The following BICC1 variants were observed in gnomAD, a reference collection of about 807,000 sequenced individuals.
The protein encoded by BICC1 is BicC family RNA binding protein 1.
A neutral mutation model predicts 111.0 loss-of-function variants in BICC1; 43 were observed. The ratio of observed to expected loss-of-function variants is 0.39; its 90% CI spans 0.30 to 0.50. The LOEUF is 0.50. Among genes scored for constraint, BICC1 ranks in the 20% least tolerant of loss-of-function variants. BICC1 has a pLI of 0.88. For synonymous variants in BICC1, 467 were observed against 434.4 expected (o/e 1.07, Z -0.93); for missense variants, 1,091 against 1,203.2 (o/e 0.91, Z 1.38).
At chr10:58,527,633 C>T (rs1842579681) in intron 1 of BICC1, among the ~76,000 whole-genome samples, 1 of 152,090 alleles carries the variant, frequency 6.6e-6, no homozygotes, top group South Asian at 2.1e-4. Context: ...TTTCAGCTTT[C>T]TACATACGGC....
intron 1 of BICC1, among the ~76,000 whole-genome samples, chr10:58,588,221 G>A (rs1364501362): frequency 1.3e-5 from 2 of 152,140 alleles, no homozygotes; most frequent in Admixed American, 6.6e-5. Flanking sequence ...ACAGGGACAA[G>A]GCCTTTTCTG....
At chr10:58,661,635 T>C (rs545186982) in intron 2 of BICC1, among the ~76,000 whole-genome samples, 3 of 152,188 alleles carry the variant, frequency 2.0e-5, no homozygotes, top group African/African-American at 7.2e-5. Flanking sequence ...ATATGCTGTG[T>C]TCGGGTTGTG....
At chr10:58,723,338 A>G (rs17725984) in intron 3 of BICC1, among the ~76,000 whole-genome samples, 3,044 of 152,268 alleles carry the variant, frequency 0.02, 47 homozygotes, top group Middle Eastern at 0.045. Context: ...TGGATTAGAG[A>G]CTCGAAGACA....
At chr10:58,823,471 G>A (rs1055666844) in intron 20 of BICC1, 11 of 984,390 alleles carry the variant, frequency 1.1e-5, no homozygotes, top group Admixed American at 6.2e-5. Context: ...AAAAACATAT[G>A]TATGTACTCT....
intron 3 of BICC1, among the ~76,000 whole-genome samples, chr10:58,737,526 C>A (rs1030351470): frequency 1.3e-5 from 2 of 152,166 alleles, no homozygotes; most frequent in Admixed American, 1.3e-4. Flanking sequence ...GGTTCCAAGT[C>A]TTCGCTATTG....
intron 1 of BICC1, among the ~76,000 whole-genome samples, chr10:58,606,164 A>G (rs1209864081): frequency 2.0e-5 from 3 of 152,014 alleles, no homozygotes; most frequent in Non-Finnish European, 2.9e-5. Context: ...ATTTGCTCCC[A>G]TCCTGGGAAT....
At chr10:58,661,211 ATTTT>A (rs61079735) in intron 2 of BICC1, among the ~76,000 whole-genome samples, 14 of 124,946 alleles carry the variant, frequency 1.1e-4, no homozygotes, top group Admixed American at 3.2e-4. Context: ...TCGAGCTTGA[ATTTT>A]TTTTTTTTTT....
intron 1 of BICC1, among the ~76,000 whole-genome samples, chr10:58,586,063 A>G (rs1844418305): frequency 6.6e-6 from 1 of 152,216 alleles, no homozygotes; most frequent in Admixed American, 6.5e-5. Context: ...TCTACACTGG[A>G]AAGTGATAGT....
At chr10:58,573,469 A>C (rs1844021334) in intron 1 of BICC1, among the ~76,000 whole-genome samples, 1 of 152,156 alleles carries the variant, frequency 6.6e-6, no homozygotes, top group African/African-American at 2.4e-5. Context: ...GGTCTGAAAG[A>C]GGTTTTGCTA....
intron 17 of BICC1, among the ~76,000 whole-genome samples, chr10:58,810,667 A>G (rs970797120): frequency 3.3e-5 from 5 of 152,092 alleles, no homozygotes; most frequent in Non-Finnish European, 7.4e-5. Context: ...TCCAGTGAGT[A>G]TTGCCTCTAT....
At chr10:58,794,721 A>C (rs531604925) in intron 9 of BICC1, among the ~76,000 whole-genome samples, 4 of 152,340 alleles carry the variant, frequency 2.6e-5, no homozygotes, top group African/African-American at 7.2e-5. Context: ...TCTCCGGCTC[A>C]GAATAAATCT....
At chr10:58,740,497 G>A (rs184424297) in intron 3 of BICC1, among the ~76,000 whole-genome samples, 208 of 152,110 alleles carry the variant, frequency 1.4e-3, no homozygotes, top group Middle Eastern at 0.01. Flanking sequence ...TGATTGTGTT[G>A]GGGCTTTTGT....
intron 2 of BICC1, among the ~76,000 whole-genome samples, chr10:58,661,575 T>G (rs911216379): frequency 6.6e-6 from 1 of 152,164 alleles, no homozygotes. Context: ...TTGCTATTAT[T>G]GACAATGTTT....
intron 3 of BICC1, among the ~76,000 whole-genome samples, chr10:58,776,912 T>G (rs1224879636): frequency 6.6e-6 from 1 of 152,088 alleles, no homozygotes; most frequent in Admixed American, 6.6e-5. Flanking sequence ...TGTTTCTTTC[T>G]TTTTCCACCC....
Position 58,785,126 on chromosome 10 carries a change from C to G in BICC1, c.387+46C>G, listed in dbSNP as rs540236147. On this transcript the variant is annotated intron_variant, in intron 4 of 20. Transcript: ENST00000373886. The stretch of plus-strand genomic sequence containing the variant: ...CTCAGATGTCAGAACCTTGTCTCTA[C>G]AAGGGCTACTTCATGCCGTTATGAA... 2.6e-6 allele frequency: 3 copies of G among 1,146,980 alleles called. No individual in the cohort carries two copies. In the African/African-American group the frequency reaches 4.8e-5, roughly 18 times the overall value. The allele number at this position is 1,146,980 out of a possible 1,614,324, so 71.1% of individuals were successfully genotyped here.
chr10:58,816,042 A>G (rs908809312), intron 18 of BICC1, among the ~76,000 whole-genome samples: 3 of 152,138 alleles, frequency 2.0e-5, no homozygotes, highest in African/African-American at 7.2e-5. Flanking sequence ...AAGGTCACCA[A>G]TGTTTCCATT....
intron 3 of BICC1, among the ~76,000 whole-genome samples, chr10:58,777,382 G>A (rs1261735732): frequency 6.6e-6 from 1 of 151,962 alleles, no homozygotes; most frequent in Non-Finnish European, 1.5e-5. Context: ...CTCTTCCATC[G>A]CTGATTATAT....
At chr10:58,595,742 A>G (rs996002106) in intron 1 of BICC1, among the ~76,000 whole-genome samples, 1 of 152,250 alleles carries the variant, frequency 6.6e-6, no homozygotes, top group Admixed American at 6.5e-5. Context: ...TTATAGCACT[A>G]TGGCCACAGG....
rs527952530 is a variant in BICC1, at chr10:58,728,895, CT to C, written c.307+26760del. On this transcript the variant is annotated intron_variant, in intron 3 of 20. Coordinates refer to ENST00000373886, the MANE Select transcript of BICC1 (RefSeq NM_001080512.3). Reference sequence around the variant, plus strand: ...TTATTTTAATATTAAAAAAAGGAATCTTTTTTTTCTGAGCAGTAAGTCTCAA... The same window carrying C: ...TTATTTTAATATTAAAAAAAGGAATCTTTTTTTCTGAGCAGTAAGTCTCAA... 2.2e-3 allele frequency among the ~76,000 whole-genome samples: 334 copies of C among 152,004 alleles called. 2 individuals are homozygous for C. The highest frequency in any genetic ancestry group is 0.021 in the Admixed American group (319 of 15,254).
Sources: allele counts gnomAD v4.1 joint callset (sites outside exome capture counted in the v4.1 genomes callset), GRCh38; gene constraint gnomAD v4.1.1; transcripts MANE v1.5; gene names NCBI Gene and HGNC (gene_info 2026-07-23, HGNC 2026-07-21).